The following PCDHGB7 variants were observed in gnomAD, a reference collection of about 807,000 sequenced individuals.
PCDHGB7 encodes the protein protocadherin gamma subfamily B, 7, also known as protocadherin gamma-B7.
In PCDHGB7, 37 loss-of-function variants were observed where a neutral mutation model predicts 61.4. The ratio of observed to expected loss-of-function variants is 0.60; its 90% confidence interval spans 0.46 to 0.79. The LOEUF (loss-of-function observed/expected upper bound fraction) is 0.79, where lower values mean the gene tolerates loss of function less well. PCDHGB7 is among the 30% of genes least tolerant of loss of function. The probability of loss-of-function intolerance (pLI) is 0.00; values close to 1 mark genes in which losing one functional copy is unlikely to be tolerated. For synonymous variants in PCDHGB7, 464 were observed against 503.5 expected, an observed-to-expected ratio of 0.92 and a Z score of 1.05; for missense variants, 1,166 against 1,202.5, an observed-to-expected ratio of 0.97 and a Z score of 0.45.
chr5:141,456,748 A>C (rs1448893002), intron 1 of PCDHGB7, among the ~76,000 whole-genome samples: 1 of 151,852 alleles, frequency 6.6e-6, no homozygotes, highest in Non-Finnish European at 1.5e-5. Context: ...GAGCATCATG[A>C]GGTCAGGAGT....
chr5:141,485,106 T>A lies in PCDHGB7; in HGVS notation c.2416-9701T>A, dbSNP rs2099607051. 8.3e-7 allele frequency: 1 copy of A among 1,206,448 alleles called. No individual in the cohort carries two copies. Among genetic ancestry groups the A allele is most frequent in the Admixed American group, 1.8e-5 (1 of 55,050 alleles). 74.7% of individuals were successfully genotyped at this position (1,206,448 alleles called of 1,614,324 possible). On this transcript the variant is annotated intron_variant, in intron 1 of 3. Coordinates refer to ENST00000398594, the MANE Select transcript of PCDHGB7 (RefSeq NM_018927.4). The surrounding 1 kb of genome is among the most constrained non-coding windows in gnomAD (Gnocchi z 5.7). ...GGGAGATAGGTGTCTCCAGCTGCTG[T>A]GGCTGTTTGGGGCGGGTCGGCTTCA...
Position 141,477,673 on chromosome 5 carries a change from G to A in PCDHGB7, c.2416-17134G>A. The A allele has an allele frequency of 1.2e-6, 2 of 1,614,168 alleles. No individual in the cohort carries two copies. The highest frequency in any genetic ancestry group is 8.5e-7 in the Non-Finnish European group (1 of 1,180,050). ...CAATAAATCGTGACAATGGCATAGT[G>A]TCATCCTTAGTGCCCCTAGACTATG... On this transcript the variant is annotated intron_variant, in intron 1 of 3. Coordinates refer to ENST00000398594, the MANE Select transcript of PCDHGB7 (RefSeq NM_018927.4). This position sits in a 1 kb window ranked among gnomAD's most constrained non-coding sequence, Gnocchi z 4.9.
intron 1 of PCDHGB7, among the ~76,000 whole-genome samples, chr5:141,482,944 G>A (rs1362136222): frequency 6.6e-6 from 1 of 152,094 alleles, no homozygotes; most frequent in Non-Finnish European, 1.5e-5. Context: ...GTGGTTGTGG[G>A]TGCCTGTAAT....
intron 3 of PCDHGB7, among the ~76,000 whole-genome samples, chr5:141,510,566 A>G (rs2154594633): frequency 6.6e-6 from 1 of 152,288 alleles, no homozygotes; most frequent in South Asian, 2.1e-4. Flanking sequence ...TACATCTACC[A>G]GGCACTATTT....
At position 141,477,483 on chromosome 5, in the gene PCDHGB7, A is replaced by T; in HGVS notation, c.2416-17324A>T. ...TCCGACATCAATGACAACCCTCCAC[A>T]ATCTTCTCAATCTTCCTACGACGTT... On this transcript the variant is annotated intron_variant, in intron 1 of 3. Coordinates refer to ENST00000398594, the MANE Select transcript of PCDHGB7 (RefSeq NM_018927.4). The surrounding 1 kb of genome is among the most constrained non-coding windows in gnomAD (Gnocchi z 4.9). 1 of 1,614,028 alleles carries T rather than the reference A, an allele frequency of 6.2e-7. No homozygotes were observed.
Position 141,511,669 on chromosome 5 carries a change from T to C in PCDHGB7, c.*496T>C, listed in dbSNP as rs1468492336. 1 of 199,424 alleles carries C rather than the reference T, an allele frequency of 5.0e-6. No individual in the cohort carries two copies. The highest frequency in any genetic ancestry group is 2.3e-5 in the African/African-American group (1 of 43,748). The allele number at this position is 199,424 out of a possible 1,614,324, so 12.4% of individuals were successfully genotyped here. ...TCTTGGCCTCTCCTTTGATTCTCAA[T>C]CTTCCCCCAAAGCATGGTTTGGTGC... On this transcript the variant is annotated 3_prime_UTR_variant, in exon 4 of 4. Coordinates refer to ENST00000398594, the MANE Select transcript of PCDHGB7 (RefSeq NM_018927.4).
intron 1 of PCDHGB7, among the ~76,000 whole-genome samples, chr5:141,463,990 G>A (rs2099073582): frequency 6.6e-6 from 1 of 151,990 alleles, no homozygotes; most frequent in Non-Finnish European, 1.5e-5. Flanking sequence ...TAAAAACCAG[G>A]TGCAGTGGCT....
At position 141,481,036 on chromosome 5, in the gene PCDHGB7, C is replaced by T. The variant is rs1040377549; in HGVS notation, c.2416-13771C>T. Among the ~76,000 whole-genome samples, 19 of 151,964 alleles carry T rather than the reference C, an allele frequency of 1.3e-4. 1 individual carries two copies. The highest frequency in any genetic ancestry group is 3.4e-4 in the African/African-American group (14 of 41,456). ...TCACACCACTGCACTCCAGCCTGGG[C>T]GACAGAGCGAGACTCCACCTCAAAA... is the stretch of plus-strand genomic sequence containing the variant. On this transcript the variant is annotated intron_variant, in intron 1 of 3. Transcript: ENST00000398594.
Position 141,476,990 on chromosome 5 carries a change from C to T in PCDHGB7, c.2416-17817C>T, listed in dbSNP as rs2099402882. ...CGGCAGCCACAACCGCGCCGGCGTGCGGCAACTATTCGCCTTAGACCTTGT... is the reference window on the plus strand; with the variant it reads ...CGGCAGCCACAACCGCGCCGGCGTGTGGCAACTATTCGCCTTAGACCTTGT... On this transcript the variant is annotated intron_variant, in intron 1 of 3. Coordinates refer to ENST00000398594, the MANE Select transcript of PCDHGB7 (RefSeq NM_018927.4). The surrounding 1 kb of genome is among the most constrained non-coding windows in gnomAD (Gnocchi z 7.6). 6.2e-7 allele frequency: 1 copy of T among 1,614,220 alleles called. No individual in the cohort carries two copies. The highest frequency in any genetic ancestry group is 8.5e-7 in the Non-Finnish European group (1 of 1,180,046).
At chr5:141,443,872 A>C (rs1446612063) in intron 1 of PCDHGB7, among the ~76,000 whole-genome samples, 4 of 152,212 alleles carry the variant, frequency 2.6e-5, no homozygotes, top group African/African-American at 9.7e-5. Flanking sequence ...AAAATTACTG[A>C]TAAGTCAAGA....
At chr5:141,425,018 T>C (rs2096853023) in intron 1 of PCDHGB7, among the ~76,000 whole-genome samples, 1 of 152,224 alleles carries the variant, frequency 6.6e-6, no homozygotes, top group Non-Finnish European at 1.5e-5. Context: ...TTTAGGAATT[T>C]ACCTTATGTC....
At chr5:141,500,295 G>A (rs911106966) in intron 2 of PCDHGB7, among the ~76,000 whole-genome samples, 2 of 151,282 alleles carry the variant, frequency 1.3e-5, no homozygotes, top group African/African-American at 4.9e-5. Flanking sequence ...TGCAAGCTCC[G>A]CCTCCCAGGT....
chr5:141,494,985 C>A, intron 2 of PCDHGB7, 120 bp downstream of exon 2: 1 of 1,559,680 alleles, frequency 6.4e-7, no homozygotes. Context: ...AGTTTGAGAT[C>A]CCAGGGAGGT....
At chr5:141,481,070 A>G (rs2099531062) in intron 1 of PCDHGB7, among the ~76,000 whole-genome samples, 1 of 152,144 alleles carries the variant, frequency 6.6e-6, no homozygotes, top group South Asian at 2.1e-4. Context: ...AAACAAAAAG[A>G]AAGAAAGAAA....
chr5:141,486,137 G>A lies in PCDHGB7; in HGVS notation c.2416-8670G>A, dbSNP rs1187526031. 1 of 1,614,074 alleles carries A rather than the reference G, an allele frequency of 6.2e-7. No individual in the cohort carries two copies. On this transcript the variant is annotated intron_variant, in intron 1 of 3. Coordinates refer to ENST00000398594, the MANE Select transcript of PCDHGB7 (RefSeq NM_018927.4). The surrounding 1 kb of genome is among the most constrained non-coding windows in gnomAD (Gnocchi z 5.0). ...GAATTACTATGAATTTGATGTGCGGGCTCGCGATGGGGGTTCTCCAGCCAT... is the reference window on the plus strand; with the variant it reads ...GAATTACTATGAATTTGATGTGCGGACTCGCGATGGGGGTTCTCCAGCCAT...
intron 1 of PCDHGB7, among the ~76,000 whole-genome samples, chr5:141,455,860 ATTATTTATTTAT>A (rs145569377): frequency 0.023 from 3,231 of 139,812 alleles, 82 homozygotes; most frequent in African/African-American, 0.066. Context: ...AATTTCTTTT[ATTATTTATTTAT>A]TTATTTATTT....
chr5:141,434,714 G>A (rs1333237898), intron 1 of PCDHGB7, among the ~76,000 whole-genome samples: 1 of 151,564 alleles, frequency 6.6e-6, no homozygotes, highest in Non-Finnish European at 1.5e-5. Context: ...GTAAATCTCT[G>A]TTCAGGGCTC....
intron 1 of PCDHGB7, chr5:141,421,290 G>C (rs2096561632): frequency 6.2e-7 from 1 of 1,613,130 alleles, no homozygotes; most frequent in African/African-American, 1.3e-5. Flanking sequence ...GCATTTTCCT[G>C]GGGACGCTGC....
intron 1 of PCDHGB7, among the ~76,000 whole-genome samples, chr5:141,483,834 A>G (rs2154580001): frequency 6.6e-6 from 1 of 152,212 alleles, no homozygotes; most frequent in South Asian, 2.1e-4. Flanking sequence ...CTAGGTAAGG[A>G]CTTGGTTGAA....
Sources: gnomAD v4.1 joint callset for allele counts (sites outside exome capture counted in the v4.1 genomes callset) on GRCh38, gnomAD v4.1.1 for gene constraint, Gnocchi (gnomAD v3.1) non-coding constraint, MANE v1.5 for transcripts, NCBI Gene and HGNC (gene_info 2026-07-23, HGNC 2026-07-21) for gene names.